The following PIAS1 variants were observed in gnomAD, a reference collection of about 807,000 sequenced individuals.
PIAS1 encodes the protein protein inhibitor of activated STAT 1, also known as E3 SUMO-protein ligase PIAS1.
In PIAS1, 6 loss-of-function variants were observed where a neutral mutation model predicts 71.3. The ratio of observed to expected loss-of-function variants is 0.08; its 90% CI spans 0.05 to 0.17. The LOEUF is 0.17. Among genes scored for constraint, PIAS1 ranks in the 10% least tolerant of loss-of-function variants. The probability of loss-of-function intolerance (pLI) is 1.00; values close to 1 mark genes in which losing one functional copy is unlikely to be tolerated. For synonymous variants in PIAS1, 303 were observed against 292.9 expected (o/e 1.03, Z -0.35); for missense variants, 555 against 793.6 (o/e 0.70, Z 3.61).
At chr15:68,065,968 C>T (rs191515968) in intron 1 of PIAS1, among the ~76,000 whole-genome samples, 2 of 115,186 alleles carry the variant, frequency 1.7e-5, no homozygotes. Flanking sequence ...GCTGTGTTGC[C>T]CAGGCTGCTC....
intron 11 of PIAS1, among the ~76,000 whole-genome samples, chr15:68,180,599 TTTC>T (rs1359065714): frequency 8.7e-6 from 1 of 114,572 alleles, no homozygotes. Flanking sequence ...TTTTGGAGTA[TTTC>T]TTCTTGTTTC....
intron 2 of PIAS1, among the ~76,000 whole-genome samples, chr15:68,087,345 T>C (rs1372619519): frequency 6.6e-6 from 1 of 152,224 alleles, no homozygotes; most frequent in Non-Finnish European, 1.5e-5. Flanking sequence ...ATTTGATTTG[T>C]AGTCTAGCAT....
chr15:68,101,950 G>A (rs563921103), intron 2 of PIAS1, among the ~76,000 whole-genome samples: 1 of 152,176 alleles, frequency 6.6e-6, no homozygotes, highest in South Asian at 2.1e-4. Context: ...GACGGGATCT[G>A]GTCTCATACT....
chr15:68,077,623 A>G (rs552292098), intron 1 of PIAS1, among the ~76,000 whole-genome samples: 3 of 152,336 alleles, frequency 2.0e-5, no homozygotes, highest in East Asian at 1.9e-4. Flanking sequence ...AAAACTTCAT[A>G]TATTAGATGG....
intron 13 of PIAS1, chr15:68,184,402 T>A (rs533770499): frequency 6.6e-6 from 1 of 152,316 alleles, no homozygotes; most frequent in East Asian, 1.9e-4. Flanking sequence ...GTATCAGATA[T>A]GGAGAAACTT....
At chr15:68,113,830 C>T (rs1331138109) in intron 2 of PIAS1, among the ~76,000 whole-genome samples, 1 of 151,988 alleles carries the variant, frequency 6.6e-6, no homozygotes, top group Non-Finnish European at 1.5e-5. Context: ...AATAGTATTA[C>T]ATGTTGGAAT....
chr15:68,120,811 C>T (rs2092607393), intron 2 of PIAS1, among the ~76,000 whole-genome samples: 1 of 152,072 alleles, frequency 6.6e-6, no homozygotes, highest in Non-Finnish European at 1.5e-5. Context: ...CCCGCCACCA[C>T]GCCTGGCTAA....
chr15:68,155,115 A>G (rs903422751), intron 7 of PIAS1, among the ~76,000 whole-genome samples: 2 of 152,192 alleles, frequency 1.3e-5, no homozygotes, highest in Non-Finnish European at 2.9e-5. Context: ...TCTTTGCTCA[A>G]GCTGTTAACT....
At chr15:68,157,739 C>T (rs181041308) in intron 7 of PIAS1, among the ~76,000 whole-genome samples, 2 of 151,990 alleles carry the variant, frequency 1.3e-5, no homozygotes, top group African/African-American at 2.4e-5. Context: ...TTCTACGCAC[C>T]CTTATGGTTT....
intron 6 of PIAS1, among the ~76,000 whole-genome samples, chr15:68,152,005 A>G (rs560707835): frequency 6.3e-4 from 71 of 113,476 alleles, no homozygotes; most frequent in African/African-American, 2.3e-3. Context: ...GCTGGAGTGC[A>G]GTGGCGCCAT....
intron 11 of PIAS1, among the ~76,000 whole-genome samples, chr15:68,177,295 AAAG>A (rs2093026575): frequency 6.6e-6 from 1 of 150,708 alleles, no homozygotes; most frequent in South Asian, 2.1e-4. Flanking sequence ...AAAAAAAAAA[AAAG>A]AAAGAAAAAA....
chr15:68,100,513 T>G (rs1038784890), intron 2 of PIAS1, among the ~76,000 whole-genome samples: 2 of 152,180 alleles, frequency 1.3e-5, no homozygotes, highest in Non-Finnish European at 2.9e-5. Flanking sequence ...CTGAGAAGTA[T>G]TCTATCATAT....
chr15:68,160,891 T>G (rs2092919782), intron 7 of PIAS1, among the ~76,000 whole-genome samples: 1 of 152,110 alleles, frequency 6.6e-6, no homozygotes. Context: ...CTCCTAAGAT[T>G]GAGAACAAGG....
At chr15:68,182,996 G>T (rs1254616866) in intron 12 of PIAS1, among the ~76,000 whole-genome samples, 1 of 152,140 alleles carries the variant, frequency 6.6e-6, no homozygotes, top group African/African-American at 2.4e-5. Flanking sequence ...ATTACACACT[G>T]GGTGATCTAG....
At chr15:68,135,689 G>A (rs1343853387) in intron 2 of PIAS1, among the ~76,000 whole-genome samples, 72 of 67,348 alleles carry the variant, frequency 1.1e-3, no homozygotes, top group African/African-American at 2.6e-3. Context: ...CCTCCCTCCC[G>A]GACGGGGTGG....
chr15:68,083,139 A>G (rs986580055), intron 1 of PIAS1, among the ~76,000 whole-genome samples: 16 of 224 alleles, frequency 0.071, no homozygotes, highest in Non-Finnish European at 0.17. Flanking sequence ...GTAAATATTT[A>G]TTTTGTTGTG....
chr15:68,151,554 T>G (rs950924156), intron 6 of PIAS1, among the ~76,000 whole-genome samples: 1 of 151,988 alleles, frequency 6.6e-6, no homozygotes, highest in Non-Finnish European at 1.5e-5. Flanking sequence ...GCCTGGTGAC[T>G]CATGCCTGTA....
At chr15:68,163,098 G>A (rs1169131623) in intron 7 of PIAS1, among the ~76,000 whole-genome samples, 1 of 152,132 alleles carries the variant, frequency 6.6e-6, no homozygotes, top group Non-Finnish European at 1.5e-5. Context: ...CCTTCGTTTA[G>A]TTAGTTGACA....
intron 1 of PIAS1, among the ~76,000 whole-genome samples, chr15:68,069,659 G>A (rs558922834): frequency 2.0e-5 from 3 of 152,040 alleles, no homozygotes; most frequent in East Asian, 3.9e-4. Context: ...AAAATTAGCC[G>A]GGCGTGGTGG....
Sources: allele counts gnomAD v4.1 joint callset (sites outside exome capture counted in the v4.1 genomes callset), GRCh38; gene constraint gnomAD v4.1.1; transcripts MANE v1.5; gene names NCBI Gene and HGNC (gene_info 2026-07-23, HGNC 2026-07-21).